The following EDA variants were observed in gnomAD, a reference collection of about 807,000 sequenced individuals.
The protein encoded by EDA is ectodysplasin A.
In EDA, 2 loss-of-function variants were observed where a neutral mutation model predicts 23.6. The observed-to-expected ratio is 0.08, with a 90% CI of 0.03 to 0.27. The LOEUF (loss-of-function observed/expected upper bound fraction) is 0.27. EDA is among the 10% of genes least tolerant of loss of function. EDA has a pLI of 1.00. For missense variants in EDA, 229 were observed against 324.2 expected, an observed-to-expected ratio of 0.71 and a Z score of 2.26; for synonymous variants, 131 against 132.0, an observed-to-expected ratio of 0.99 and a Z score of 0.05.
chrX:69,949,704 C>T lies in EDA; in HGVS notation c.397-7323C>T, dbSNP rs138535641. Among the ~76,000 whole-genome samples, 389 of 111,556 alleles carry T rather than the reference C, an allele frequency of 3.5e-3. 1 individual carries two copies. Among genetic ancestry groups the T allele is most frequent in the Non-Finnish European group, 4.4e-3 (236 of 53,043 alleles). On this transcript the variant is annotated intron_variant, in intron 1 of 7. Coordinates refer to ENST00000374552, the MANE Select transcript of EDA (RefSeq NM_001399.5). The stretch of plus-strand genomic sequence containing the variant: ...TTTAAGGAATGGATTGGTGATAGTC[C>T]GCTCTCTGGTTTAAGTATGTCCCCT...
rs766342172 is a variant in EDA, at chrX:69,771,310, G to A, written c.396+154606G>A. On this transcript the variant is annotated intron_variant, in intron 1 of 7. Coordinates refer to ENST00000374552, the MANE Select transcript of EDA (RefSeq NM_001399.5). ...CTTGACCCCGTGACCTGCCCACCTCGGCCTCCCAAAGTGCTGGGATTACAC... is the reference window on the plus strand; with the variant it reads ...CTTGACCCCGTGACCTGCCCACCTCAGCCTCCCAAAGTGCTGGGATTACAC... 1.5e-4 allele frequency among the ~76,000 whole-genome samples: 17 copies of A among 110,667 alleles called. No individual in the cohort carries two copies. The South Asian group carries it at 6.2e-3, about 40-fold the overall frequency.
At chrX:69,644,622 T>C (rs1364948568) in intron 1 of EDA, among the ~76,000 whole-genome samples, 1 of 111,013 alleles carries the variant, frequency 9.0e-6, no homozygotes, top group East Asian at 2.8e-4. Context: ...TCTTGCCTGA[T>C]TGCCCTGGAC....
intron 1 of EDA, among the ~76,000 whole-genome samples, chrX:69,626,867 T>C (rs1034581937): frequency 3.6e-5 from 4 of 111,699 alleles, no homozygotes; most frequent in Non-Finnish European, 3.8e-5. Context: ...CTATATAAAG[T>C]AGTTTTTTTT....
chrX:69,884,060 T>A (rs1375887300), intron 1 of EDA, among the ~76,000 whole-genome samples: 2 of 110,481 alleles, frequency 1.8e-5, no homozygotes, highest in Non-Finnish European at 3.8e-5. Context: ...CAAGACCCTA[T>A]CTCAAAAAAA....
intron 1 of EDA, among the ~76,000 whole-genome samples, chrX:69,779,362 G>A (rs1160119939): frequency 9.0e-6 from 1 of 111,648 alleles, no homozygotes; most frequent in Non-Finnish European, 1.9e-5. Flanking sequence ...GGAATGGACT[G>A]CTGATACATG....
chrX:69,667,916 CCACTCTCACAATAACTAATT>C (rs1336286069), intron 1 of EDA, among the ~76,000 whole-genome samples: 11 of 111,357 alleles, frequency 9.9e-5, no homozygotes, highest in Non-Finnish European at 1.9e-4. Flanking sequence ...TATAACAAGC[CCACTCTCACAATAACTAATT>C]CACTCTCACA....
chrX:69,622,401 T>C (rs1420157296), intron 1 of EDA, among the ~76,000 whole-genome samples: 1 of 112,591 alleles, frequency 8.9e-6, no homozygotes, highest in African/African-American at 3.2e-5. Context: ...TAGCCATAGC[T>C]GTTCTGGTGG....
chrX:69,785,909 A>T (rs2147458008), intron 1 of EDA, among the ~76,000 whole-genome samples: 1 of 110,188 alleles, frequency 9.1e-6, no homozygotes, highest in Non-Finnish European at 1.9e-5. Context: ...TTCGGCTGTG[A>T]ATCCATCTGG....
intron 1 of EDA, among the ~76,000 whole-genome samples, chrX:69,878,025 A>T (rs1481034266): frequency 1.8e-5 from 2 of 112,351 alleles, no homozygotes; most frequent in African/African-American, 3.2e-5. Context: ...CTATGTGTTC[A>T]TTCTGTTGCC....
chrX:69,616,566 C>T lies in EDA; in HGVS notation c.258C>T (p.Thr86=), dbSNP rs1931955604. 1.7e-6 allele frequency: 2 copies of T among 1,210,146 alleles called. No homozygotes were observed. The highest frequency in any genetic ancestry group is 3.0e-5 in the East Asian group (1 of 33,693). ...TTGGCGGCTCGGGCACCCCTGGCAC[C>T]TCTGGCACCCTAAGCAGCCTCGGTG... is the stretch of plus-strand genomic sequence containing the variant. The part of the protein sequence containing the change: ...SRLGGSGTPG[T]SGTLSSLGGL... Residue 86 remains threonine, a synonymous_variant, in exon 1 of 8, where the codon ACC becomes ACT. Coordinates refer to ENST00000374552, the MANE Select transcript of EDA (RefSeq NM_001399.5).
chrX:69,812,278 T>G (rs1003441054), intron 1 of EDA, among the ~76,000 whole-genome samples: 37 of 112,294 alleles, frequency 3.3e-4, no homozygotes, highest in Admixed American at 2.9e-3. Context: ...TAATTCTATT[T>G]TTAGAAGTCC....
intron 1 of EDA, among the ~76,000 whole-genome samples, chrX:69,652,903 A>T (rs1933150922): frequency 8.9e-6 from 1 of 111,834 alleles, no homozygotes; most frequent in Non-Finnish European, 1.9e-5. Context: ...GTTTGAAGTC[A>T]GGTAGTGTGA....
chrX:69,746,404 C>A (rs1433789833), intron 1 of EDA, among the ~76,000 whole-genome samples: 1 of 111,856 alleles, frequency 8.9e-6, no homozygotes, highest in Non-Finnish European at 1.9e-5. Flanking sequence ...CACCTCCCAA[C>A]CCCAACTTCT....
chrX:69,982,600 T>G (rs2019427260), intron 2 of EDA, among the ~76,000 whole-genome samples: 1 of 111,303 alleles, frequency 9.0e-6, no homozygotes, highest in Non-Finnish European at 1.9e-5. Context: ...TTGAGGATAT[T>G]GTGTGCTCTG....
intron 2 of EDA, among the ~76,000 whole-genome samples, chrX:69,999,389 G>C (rs754666945): frequency 2.7e-5 from 3 of 111,036 alleles, no homozygotes; most frequent in Non-Finnish European, 3.8e-5. Flanking sequence ...AAGGTGGGTG[G>C]ATCACTTGAG....
At chrX:70,010,437 G>A (rs947031188) in intron 2 of EDA, among the ~76,000 whole-genome samples, 1 of 111,676 alleles carries the variant, frequency 9.0e-6, no homozygotes, top group African/African-American at 3.3e-5. Context: ...GCCTTCTTTT[G>A]ATTAGGAGTT....
chrX:69,753,678 A>G (rs2013985373), intron 1 of EDA, among the ~76,000 whole-genome samples: 1 of 111,514 alleles, frequency 9.0e-6, no homozygotes, highest in African/African-American at 3.3e-5. Flanking sequence ...GTGGGATGTT[A>G]AAGTCTCCCA....
At chrX:69,938,821 T>G (rs751342033) in intron 1 of EDA, among the ~76,000 whole-genome samples, 3 of 112,333 alleles carry the variant, frequency 2.7e-5, no homozygotes, top group Non-Finnish European at 5.6e-5. Context: ...CAAATGGATA[T>G]CCAGTTTTCC....
intron 1 of EDA, among the ~76,000 whole-genome samples, chrX:69,671,345 G>T (rs1273165344): frequency 9.0e-6 from 1 of 111,129 alleles, no homozygotes; most frequent in Admixed American, 9.6e-5. Context: ...ATCTGTGTTG[G>T]TGTCAGATCT....
Sources: gnomAD v4.1 joint callset for allele counts (sites outside exome capture counted in the v4.1 genomes callset) on GRCh38, gnomAD v4.1.1 for gene constraint, MANE v1.5 for transcripts, NCBI Gene and HGNC (gene_info 2026-07-23, HGNC 2026-07-21) for gene names.